TMEM178B: variants seen among roughly 807,000 people sequenced by gnomAD.
TMEM178B encodes the protein transmembrane protein 178B.
TMEM178B carries 5 observed loss-of-function variants against 31.0 expected under a neutral mutation model. The observed-to-expected ratio is 0.16, with a 90% CI of 0.08 to 0.34. TMEM178B has a LOEUF of 0.34. TMEM178B is among the 10% of genes least tolerant of loss of function. The probability of loss-of-function intolerance (pLI) is 1.00; values close to 1 mark genes in which losing one functional copy is unlikely to be tolerated. For synonymous variants in TMEM178B, 164 were observed against 164.0 expected, an observed-to-expected ratio of 1.00 and a Z score of 0.00; for missense variants, 275 against 400.3, an observed-to-expected ratio of 0.69 and a Z score of 2.67.
intron 1 of TMEM178B, among the ~76,000 whole-genome samples, chr7:141,163,672 G>A (rs141661435): frequency 0.015 from 2,217 of 152,008 alleles, 26 homozygotes; most frequent in Non-Finnish European, 0.024. Context: ...GCGCCATCAA[G>A]CCTGGCTAAT....
chr7:141,177,350 T>C (rs1229125763), intron 1 of TMEM178B, among the ~76,000 whole-genome samples: 1 of 152,130 alleles, frequency 6.6e-6, no homozygotes, highest in Non-Finnish European at 1.5e-5. Context: ...TGCTGAGGAG[T>C]GTTTCACTTT....
chr7:141,359,090 A>T (rs148382415), intron 2 of TMEM178B, among the ~76,000 whole-genome samples: 1 of 152,256 alleles, frequency 6.6e-6, no homozygotes, highest in African/African-American at 2.4e-5. Flanking sequence ...TAAATGAACT[A>T]GCCCCAAGAA....
intron 3 of TMEM178B, among the ~76,000 whole-genome samples, chr7:141,466,793 C>A (rs1294537070): frequency 1.3e-5 from 2 of 152,128 alleles, no homozygotes; most frequent in Non-Finnish European, 2.9e-5. Flanking sequence ...CCTCACTGCC[C>A]CCGCTTTCTG....
At chr7:141,492,301 T>TC in the TMEM178B span, among the ~76,000 whole-genome samples, 1 of 152,146 alleles carries the variant, frequency 6.6e-6, no homozygotes, top group East Asian at 1.9e-4. Flanking sequence ...CCTTCCCTGA[T>TC]CCCCCAAACA....
At chr7:141,340,150 G>A (rs1261183306) in intron 2 of TMEM178B, among the ~76,000 whole-genome samples, 1 of 152,172 alleles carries the variant, frequency 6.6e-6, no homozygotes, top group Non-Finnish European at 1.5e-5. Context: ...GGAGGAAGGG[G>A]CCATGAACCA....
At chr7:141,128,875 C>T (rs532555501) in intron 1 of TMEM178B, among the ~76,000 whole-genome samples, 2 of 152,262 alleles carry the variant, frequency 1.3e-5, no homozygotes, top group East Asian at 3.9e-4. Context: ...TTTGCCATCA[C>T]CACCAAGAAA....
downstream of TMEM178B, among the ~76,000 whole-genome samples, chr7:141,485,180 G>A (rs1303366872): frequency 6.6e-6 from 1 of 152,204 alleles, no homozygotes; most frequent in Non-Finnish European, 1.5e-5. Context: ...CTCTTCCTGA[G>A]AAAGCCCGGA....
intron 2 of TMEM178B, among the ~76,000 whole-genome samples, chr7:141,399,846 A>G (rs1269856483): frequency 6.6e-6 from 1 of 152,044 alleles, no homozygotes; most frequent in African/African-American, 2.4e-5. Flanking sequence ...TTTTAAAGTT[A>G]TGTCTTACTT....
the TMEM178B span, among the ~76,000 whole-genome samples, chr7:141,500,799 G>A: frequency 6.6e-6 from 1 of 152,156 alleles, no homozygotes; most frequent in Non-Finnish European, 1.5e-5. Flanking sequence ...ACCCAGAGCA[G>A]GTGGCTTACC....
intron 1 of TMEM178B, among the ~76,000 whole-genome samples, chr7:141,170,999 CT>C (rs1796339271): frequency 6.7e-6 from 1 of 149,522 alleles, no homozygotes; most frequent in South Asian, 2.1e-4. Context: ...CAGGTTCAGA[CT>C]ACACATCACA....
intron 1 of TMEM178B, among the ~76,000 whole-genome samples, chr7:141,099,947 G>A (rs192783275): frequency 5.0e-4 from 76 of 151,112 alleles, no homozygotes; most frequent in African/African-American, 1.1e-3. Context: ...CTCCTCCCTC[G>A]TAGCTGGGAC....
chr7:141,196,443 T>C (rs1309142415), intron 1 of TMEM178B, among the ~76,000 whole-genome samples: 1 of 152,236 alleles, frequency 6.6e-6, no homozygotes, highest in African/African-American at 2.4e-5. Context: ...AATAACAGTG[T>C]CTGGAAGTTT....
intron 2 of TMEM178B, among the ~76,000 whole-genome samples, chr7:141,248,841 A>G (rs1797782811): frequency 6.6e-6 from 1 of 152,212 alleles, no homozygotes; most frequent in Non-Finnish European, 1.5e-5. Context: ...TCAATTTATG[A>G]AAGATACTTT....
chr7:141,100,768 T>C (rs1388182698), intron 1 of TMEM178B, among the ~76,000 whole-genome samples: 1 of 152,198 alleles, frequency 6.6e-6, no homozygotes, highest in East Asian at 1.9e-4. Flanking sequence ...ATTCTACATA[T>C]ATATGTAGAA....
At chr7:141,293,060 G>T (rs1002124704) in intron 2 of TMEM178B, among the ~76,000 whole-genome samples, 1 of 152,150 alleles carries the variant, frequency 6.6e-6, no homozygotes, top group Non-Finnish European at 1.5e-5. Context: ...GAGACCTATA[G>T]GTCCACCGCA....
chr7:141,096,946 T>C (rs1468971942), intron 1 of TMEM178B, among the ~76,000 whole-genome samples: 1 of 151,474 alleles, frequency 6.6e-6, no homozygotes, highest in Non-Finnish European at 1.5e-5. Flanking sequence ...AAAAGTTAAC[T>C]GGGCATGGTG....
chr7:141,119,301 A>G (rs117812778), intron 1 of TMEM178B, among the ~76,000 whole-genome samples: 60 of 152,228 alleles, frequency 3.9e-4, no homozygotes, highest in Admixed American at 1.0e-3. Flanking sequence ...ATTACCTGGC[A>G]CTTCTGGTCT....
At chr7:141,100,086 T>C (rs1795029932) in intron 1 of TMEM178B, among the ~76,000 whole-genome samples, 1 of 152,238 alleles carries the variant, frequency 6.6e-6, no homozygotes, top group South Asian at 2.1e-4. Flanking sequence ...CCCAAAGTGC[T>C]GGGATTACAG....
chr7:141,345,595 T>G (rs374380523), intron 2 of TMEM178B, among the ~76,000 whole-genome samples: 6 of 152,238 alleles, frequency 3.9e-5, no homozygotes, highest in South Asian at 2.1e-4. Context: ...TAGGTGATTT[T>G]GTCATTCTCT....
Sources: gnomAD v4.1 joint callset for allele counts (sites outside exome capture counted in the v4.1 genomes callset) on GRCh38, gnomAD v4.1.1 for gene constraint, MANE v1.5 for transcripts, NCBI Gene and HGNC (gene_info 2026-07-23, HGNC 2026-07-21) for gene names.